FAM135A: variants seen among roughly 807,000 people sequenced by gnomAD.
FAM135A encodes the protein family with sequence similarity 135 member A, also known as protein FAM135A.
Under a neutral mutation model 146.8 loss-of-function variants are expected in FAM135A, and 79 were observed. The ratio of observed to expected loss-of-function variants is 0.54; its 90% CI spans 0.45 to 0.65. The LOEUF is 0.65. Ranked by LOEUF, FAM135A falls within the 30% of genes least tolerant of loss-of-function variation. The probability of loss-of-function intolerance (pLI) is 0.00; values close to 1 mark genes in which losing one functional copy is unlikely to be tolerated. For synonymous variants in FAM135A, 562 were observed against 603.6 expected (o/e 0.93, Z 1.01); for missense variants, 1,623 against 1,758.2 (o/e 0.92, Z 1.38).
chr6:70,477,401 C>A, intron 8 of FAM135A, 69 bp downstream of exon 8: 2 of 1,469,252 alleles, frequency 1.4e-6, no homozygotes, highest in South Asian at 1.3e-5. Flanking sequence ...TGAGACTGGT[C>A]AATTTATAAA....
chr6:70,502,524 CT>C (rs1325289416), intron 11 of FAM135A, 111 bp from the exon 12 acceptor site: 1 of 1,119,464 alleles, frequency 8.9e-7, no homozygotes. Context: ...ATGCACATCT[CT>C]TTTTTTAAAC....
chr6:70,514,916 C>T (rs1050117191), intron 12 of FAM135A, among the ~76,000 whole-genome samples: 6 of 152,152 alleles, frequency 3.9e-5, no homozygotes, highest in Non-Finnish European at 7.4e-5. Flanking sequence ...ACATTCTGTC[C>T]TTAACAAAAT....
chr6:70,472,921 T>A (rs890461248), intron 5 of FAM135A, among the ~76,000 whole-genome samples: 1 of 152,246 alleles, frequency 6.6e-6, no homozygotes, highest in African/African-American at 2.4e-5. Context: ...TTCCTAATAA[T>A]GTTAACTTGG....
At chr6:70,482,205 G>A (rs1274274374) in intron 10 of FAM135A, 51 bp downstream of exon 10, 1 of 1,549,942 alleles carries the variant, frequency 6.5e-7, no homozygotes, top group Admixed American at 1.9e-5. Flanking sequence ...ATTCTCTTCA[G>A]TCTTATATTG....
chr6:70,430,337 A>C (rs1021375118), intron 4 of FAM135A, among the ~76,000 whole-genome samples: 1 of 149,694 alleles, frequency 6.7e-6, no homozygotes, highest in African/African-American at 2.4e-5. Flanking sequence ...ACTCTATCTA[A>C]AAAAAAAAAC....
At chr6:70,452,014 A>G (rs915575706) in intron 4 of FAM135A, among the ~76,000 whole-genome samples, 2 of 151,958 alleles carry the variant, frequency 1.3e-5, no homozygotes, top group African/African-American at 4.8e-5. Context: ...ACATAAACAA[A>G]TAGCTCTGAC....
chr6:70,483,810 A>C (rs1236510010), intron 10 of FAM135A, among the ~76,000 whole-genome samples: 1 of 152,198 alleles, frequency 6.6e-6, no homozygotes, highest in Non-Finnish European at 1.5e-5. Flanking sequence ...CTACAAAAAA[A>C]CCCAAAAACA....
Position 70,452,514 on chromosome 6 carries a change from A to C in FAM135A, c.100A>C (p.Met34Leu), listed in dbSNP as rs753471313. The part of the protein sequence containing the change: ...QRGFYQIRAS[M>L]KIPSRIPHRV... ...TAGTTTTTACCAGATTCGTGCTTCT[A>C]TGAAAATTCCATCAAGAATTCCCCA... The change falls in exon 5 of 22, where the codon ATG becomes CTG. Residue 34 changes from methionine to leucine, a missense_variant. Physicochemically the swap from Met to Leu is conservative, Grantham distance 15. This residue lies in a region of FAM135A where 171 missense variants were observed against 164.9 expected (regional missense o/e 1.04). Coordinates refer to ENST00000418814, the MANE Select transcript of FAM135A (RefSeq NM_001162529.3). 3.8e-6 allele frequency: 6 copies of C among 1,597,444 alleles called. No homozygotes were observed. In the Admixed American group the frequency reaches 1.1e-4, roughly 29 times the overall value.
intron 5 of FAM135A, among the ~76,000 whole-genome samples, 186 bp downstream of exon 5, chr6:70,452,757 G>A (rs1777408146): frequency 6.6e-6 from 1 of 152,064 alleles, no homozygotes; most frequent in Non-Finnish European, 1.5e-5. Context: ...CTCCTTCTTA[G>A]ATTTCATACA....
At chr6:70,460,948 C>T (rs777331361) in intron 5 of FAM135A, among the ~76,000 whole-genome samples, 1 of 151,338 alleles carries the variant, frequency 6.6e-6, no homozygotes, top group Non-Finnish European at 1.5e-5. Context: ...CTCAGCCTCC[C>T]GAGTAGCTGG....
intron 18 of FAM135A, 80 bp from the exon 19 acceptor site, chr6:70,536,180 C>T: frequency 7.5e-7 from 1 of 1,337,872 alleles, no homozygotes; most frequent in Non-Finnish European, 1.0e-6. Context: ...GTATTCACAT[C>T]CATTTTATAG....
chr6:70,447,099 G>A (rs145790917), intron 4 of FAM135A, among the ~76,000 whole-genome samples: 421 of 152,348 alleles, frequency 2.8e-3, no homozygotes, highest in African/African-American at 9.4e-3. Flanking sequence ...AATTGGCCAC[G>A]TGGACAGTCA....
intron 18 of FAM135A, among the ~76,000 whole-genome samples, chr6:70,534,512 G>T (rs895252902): frequency 6.6e-6 from 1 of 151,482 alleles, no homozygotes; most frequent in African/African-American, 2.4e-5. Context: ...GGGTTTCACC[G>T]TGTTACCCAG....
At chr6:70,491,460 C>G (rs1374653933) in intron 11 of FAM135A, among the ~76,000 whole-genome samples, 1 of 151,812 alleles carries the variant, frequency 6.6e-6, no homozygotes, top group Non-Finnish European at 1.5e-5. Flanking sequence ...ATTTGCTTCT[C>G]AGATCATTTT....
intron 7 of FAM135A, 74 bp downstream of exon 7, chr6:70,475,807 C>T: frequency 1.7e-6 from 2 of 1,205,064 alleles, no homozygotes; most frequent in Non-Finnish European, 2.4e-6. Flanking sequence ...TGCCCATTTT[C>T]CTCTTAAAAT....
At chr6:70,534,116 G>A (rs1341666669) in intron 18 of FAM135A, among the ~76,000 whole-genome samples, 1 of 151,894 alleles carries the variant, frequency 6.6e-6, no homozygotes, top group African/African-American at 2.4e-5. Flanking sequence ...CAGGATATAG[G>A]ATTTCTTTTT....
rs1582836446 is a variant in FAM135A at position 70,538,342 on chromosome 6, C to T, written c.4169C>T (p.Thr1390Ile). ...AAATCAGGTTCGCTTTTGCAGCTGA[C>T]ATGTCGAGATCACTCAGACCCTCGC... The part of the protein sequence containing the change: ...WKKSGSLLQL[T>I]CRDHSDPRQT... The change falls in exon 20 of 22, where the codon ACA (threonine) becomes ATA (isoleucine). Residue 1390 changes from threonine (T) to isoleucine (I), a missense_variant. Physicochemically the swap from Thr to Ile is moderately conservative, Grantham distance 89. This residue lies in a region of FAM135A where 138 missense variants were observed against 174.1 expected (regional missense o/e 0.79). Transcript: ENST00000418814. 1.3e-6 allele frequency: 2 copies of T among 1,531,384 alleles called. No homozygotes were observed. The highest frequency in any genetic ancestry group is 4.6e-5 in the East Asian group (2 of 43,278). 94.9% of individuals were successfully genotyped at this position (1,531,384 alleles called of 1,614,324 possible). A position where few individuals can be genotyped will look rare whatever the true frequency, so the allele number is the denominator to read the frequency against.
chr6:70,430,418 T>G (rs1771306509), intron 4 of FAM135A, among the ~76,000 whole-genome samples: 1 of 152,154 alleles, frequency 6.6e-6, no homozygotes, highest in African/African-American at 2.4e-5. Flanking sequence ...TGCATTCCAT[T>G]GGCCAAGCAA....
At chr6:70,514,328 A>G (rs1365021236) in intron 12 of FAM135A, among the ~76,000 whole-genome samples, 2 of 151,936 alleles carry the variant, frequency 1.3e-5, no homozygotes, top group African/African-American at 2.4e-5. Context: ...TTAAATTTCC[A>G]TTTGGTTCTC....
Sources: allele counts gnomAD v4.1 joint callset (sites outside exome capture counted in the v4.1 genomes callset), GRCh38; gene constraint gnomAD v4.1.1; regional missense constraint gnomAD v4.1.1; transcripts MANE v1.5; gene names NCBI Gene and HGNC (gene_info 2026-07-23, HGNC 2026-07-21).